SFRP1: variants seen among roughly 807,000 people sequenced by gnomAD.
The protein encoded by SFRP1 is secreted frizzled related protein 1, also known as secreted frizzled-related protein 1.
SFRP1 carries 9 observed loss-of-function variants against 25.9 expected under a neutral mutation model. The ratio of observed to expected loss-of-function variants is 0.35; its 90% CI spans 0.21 to 0.61. The LOEUF is 0.61. Ranked by LOEUF, SFRP1 falls within the 20% of genes least tolerant of loss-of-function variation. The pLI is 0.78. For synonymous variants in SFRP1, 178 were observed against 174.0 expected, an observed-to-expected ratio of 1.02 and a Z score of -0.18; for missense variants, 346 against 418.2, an observed-to-expected ratio of 0.83 and a Z score of 1.51.
At chr8:41,302,257 G>T (rs1417980168) in intron 2 of SFRP1, among the ~76,000 whole-genome samples, 1 of 152,154 alleles carries the variant, frequency 6.6e-6, no homozygotes, top group Non-Finnish European at 1.5e-5. Flanking sequence ...CTCCAGTTTA[G>T]CTCTGGTGGC....
chr8:41,292,098 C>T (rs911923494), intron 2 of SFRP1, among the ~76,000 whole-genome samples: 9 of 152,206 alleles, frequency 5.9e-5, no homozygotes, highest in African/African-American at 2.2e-4. Context: ...AATTACACCA[C>T]TAAAAACTTC....
intron 2 of SFRP1, among the ~76,000 whole-genome samples, chr8:41,270,891 G>A (rs11781990): frequency 0.28 from 43,027 of 151,560 alleles, 7,117 homozygotes; most frequent in Middle Eastern, 0.38. Flanking sequence ...ACAGCCTGCC[G>A]CTGGGGTATA....
chr8:41,302,956 C>T (rs561805906), intron 2 of SFRP1, among the ~76,000 whole-genome samples: 5 of 151,682 alleles, frequency 3.3e-5, no homozygotes, highest in South Asian at 2.1e-4. Context: ...CACTCTGAAT[C>T]CCCTAAGCAT....
At chr8:41,308,430 G>T (rs531581133) in intron 1 of SFRP1, among the ~76,000 whole-genome samples, 186 bp downstream of exon 1, 1 of 152,348 alleles carries the variant, frequency 6.6e-6, no homozygotes, top group Non-Finnish European at 1.5e-5. Flanking sequence ...GAGGGGCGCT[G>T]AGCGATACCT....
intron 2 of SFRP1, 131 bp downstream of exon 2, chr8:41,303,330 G>A: frequency 1.4e-6 from 1 of 705,714 alleles, no homozygotes; most frequent in Non-Finnish European, 2.5e-6. Flanking sequence ...GAGAAAAGCA[G>A]CCATTTGGAG....
At chr8:41,284,447 C>A (rs1225042900) in intron 2 of SFRP1, among the ~76,000 whole-genome samples, 1 of 152,074 alleles carries the variant, frequency 6.6e-6, no homozygotes, top group Non-Finnish European at 1.5e-5. Flanking sequence ...CCCACTCATG[C>A]ACTGGGCACA....
intron 2 of SFRP1, among the ~76,000 whole-genome samples, chr8:41,300,499 A>G (rs1803901302): frequency 6.6e-6 from 1 of 152,150 alleles, no homozygotes. Context: ...TCACCATGCA[A>G]ATTTCCCCCA....
chr8:41,301,448 G>GAGA (rs1554524565), intron 2 of SFRP1, among the ~76,000 whole-genome samples: 1 of 151,030 alleles, frequency 6.6e-6, no homozygotes. Flanking sequence ...CAGAGAGAGA[G>GAGA]AAAAAAAAAT....
intron 2 of SFRP1, among the ~76,000 whole-genome samples, chr8:41,280,305 A>G (rs1012255248): frequency 6.6e-6 from 1 of 152,270 alleles, no homozygotes; most frequent in African/African-American, 2.4e-5. Flanking sequence ...CTCAAAGCTG[A>G]AAAGTGTCTT....
chr8:41,309,107 A>G lies in SFRP1; in HGVS notation c.53T>C (p.Leu18Pro). Residue 18 changes from leucine (L) to proline (P), a missense_variant, in exon 1 of 3, where the codon CTG becomes CCG. By Grantham distance (98) the Leu-to-Pro change is moderately conservative. Coordinates refer to ENST00000220772, the MANE Select transcript of SFRP1 (RefSeq NM_003012.5). ...CAGAAGCGCCGCGCCCAGCGCCAGC[A>G]GCACGCCCAGGGCTGCCCCGCGGCG... is the stretch of plus-strand genomic sequence containing the variant. ...GGRRGAALGVLLALGAALLAV... is the reference protein window; with the variant it reads ...GGRRGAALGVPLALGAALLAV... The G allele has an allele frequency of 6.4e-7, 1 of 1,551,068 alleles. No homozygotes were observed. Among genetic ancestry groups the G allele is most frequent in the South Asian group, 1.2e-5 (1 of 85,934 alleles).
chr8:41,302,908 C>T (rs1803943228), intron 2 of SFRP1, among the ~76,000 whole-genome samples: 1 of 151,992 alleles, frequency 6.6e-6, no homozygotes, highest in Non-Finnish European at 1.5e-5. Context: ...GTGGGGATGT[C>T]CATTTTTCTT....
chr8:41,300,429 C>G (rs1803900163), intron 2 of SFRP1, among the ~76,000 whole-genome samples: 1 of 152,280 alleles, frequency 6.6e-6, no homozygotes. Context: ...AACTCTCAAG[C>G]TCAAAACACT....
chr8:41,271,809 A>C (rs973655671), intron 2 of SFRP1, among the ~76,000 whole-genome samples: 13 of 151,962 alleles, frequency 8.6e-5, no homozygotes, highest in African/African-American at 3.1e-4. Context: ...TACCAAAAAA[A>C]AAAAATTAGC....
intron 1 of SFRP1, 148 bp from the exon 2 acceptor site, chr8:41,303,686 G>T (rs1803957631): frequency 1.5e-6 from 1 of 646,944 alleles, no homozygotes; most frequent in African/African-American, 1.8e-5. Context: ...TTGAAAACAA[G>T]AAGCCTTGAG....
chr8:41,283,847 G>A (rs1162891227), intron 2 of SFRP1, among the ~76,000 whole-genome samples: 3 of 152,110 alleles, frequency 2.0e-5, no homozygotes, highest in Non-Finnish European at 2.9e-5. Flanking sequence ...ACAGGTGTGA[G>A]CCACCACGCC....
chr8:41,278,287 C>T lies in SFRP1; in HGVS notation c.623-12798G>A, dbSNP rs559892656. On this transcript the variant is annotated intron_variant, in intron 2 of 2. Coordinates refer to ENST00000220772, the MANE Select transcript of SFRP1 (RefSeq NM_003012.5). ...AAAGCTTGGATAGCAAGAGGCAGCACATTTCAGAGGAACGGACCCCAAGTG... is the reference window on the plus strand; with the variant it reads ...AAAGCTTGGATAGCAAGAGGCAGCATATTTCAGAGGAACGGACCCCAAGTG... Among the ~76,000 whole-genome samples, 4 of 152,346 alleles carry T rather than the reference C, an allele frequency of 2.6e-5. No individual in the cohort carries two copies. The East Asian group carries it at 7.7e-4, about 29-fold the overall frequency.
At chr8:41,269,884 A>C (rs1803482258) in intron 2 of SFRP1, among the ~76,000 whole-genome samples, 1 of 152,128 alleles carries the variant, frequency 6.6e-6, no homozygotes, top group Non-Finnish European at 1.5e-5. Flanking sequence ...AGAGGGACAT[A>C]CTAGAGAGCG....
At chr8:41,285,945 T>G (rs574839976) in intron 2 of SFRP1, among the ~76,000 whole-genome samples, 1 of 148,870 alleles carries the variant, frequency 6.7e-6, no homozygotes, top group Non-Finnish European at 1.5e-5. Flanking sequence ...CCAGGAACTC[T>G]CAGGCTGAGG....
Position 41,308,940 on chromosome 8 carries a change from TG to T in SFRP1, c.219del (p.Tyr73Ter). ...ADLRLCHNVG[Y>X]KKMVLPNLLE... ...AGCAGGTTGGGCAGCACCATCTTCTTGTAGCCCACGTTGTGGCACAGCCGCA... is the reference window on the plus strand; with the variant it reads ...AGCAGGTTGGGCAGCACCATCTTCTTTAGCCCACGTTGTGGCACAGCCGCA... On this transcript the variant is annotated frameshift_variant, in exon 1 of 3. Coordinates refer to ENST00000220772, the MANE Select transcript of SFRP1 (RefSeq NM_003012.5). LOFTEE classifies it high-confidence loss of function. 6.2e-7 allele frequency: 1 copy of T among 1,613,458 alleles called. No homozygotes were observed. Among genetic ancestry groups the T allele is most frequent in the Non-Finnish European group, 8.5e-7 (1 of 1,179,936 alleles).
Sources: gnomAD v4.1 joint callset for allele counts (sites outside exome capture counted in the v4.1 genomes callset) on GRCh38, gnomAD v4.1.1 for gene constraint, MANE v1.5 for transcripts, NCBI Gene and HGNC (gene_info 2026-07-23, HGNC 2026-07-21) for gene names.